The following ANP32A variants were observed in gnomAD, a reference collection of about 807,000 sequenced individuals.
The protein encoded by ANP32A is acidic leucine-rich nuclear phosphoprotein 32 family member A.
A neutral mutation model predicts 33.9 loss-of-function variants in ANP32A; 1 was observed. That is an observed-to-expected ratio of 0.03 (90% CI 0.01 to 0.14). ANP32A has a LOEUF of 0.14. ANP32A is among the 10% of genes least tolerant of loss of function. The probability of loss-of-function intolerance (pLI) is 1.00; values close to 1 mark genes in which losing one functional copy is unlikely to be tolerated. For missense variants in ANP32A, 155 were observed against 306.0 expected, an observed-to-expected ratio of 0.51 and a Z score of 3.68; for synonymous variants, 115 against 120.5, an observed-to-expected ratio of 0.95 and a Z score of 0.30.
chr15:68,792,689 C>T (rs1455978675), intron 1 of ANP32A, among the ~76,000 whole-genome samples: 1 of 152,164 alleles, frequency 6.6e-6, no homozygotes, highest in Non-Finnish European at 1.5e-5. Flanking sequence ...CCTGCTTTTG[C>T]CTCCACACCA....
In ANP32A at chr15:68,779,706, C is replaced by A. The variant is rs1402725464; in HGVS notation, c.*375G>T. 1 of 188,272 alleles carries A rather than the reference C, an allele frequency of 5.3e-6. No individual in the cohort carries two copies. Among genetic ancestry groups the A allele is most frequent in the African/African-American group, 2.4e-5 (1 of 42,446 alleles). 11.7% of individuals were successfully genotyped at this position (188,272 alleles called of 1,614,324 possible). A position where few individuals can be genotyped will look rare whatever the true frequency, so the allele number is the denominator to read the frequency against. ...TAACCAAACTGAGACCAGCCACAGC[C>A]TTCCAACCAACCCAAGAGACTTGGG... is the stretch of plus-strand genomic sequence containing the variant. On this transcript the variant is annotated 3_prime_UTR_variant, in exon 7 of 7. Transcript: ENST00000465139.
chr15:68,782,860 C>A, intron 5 of ANP32A, 96 bp downstream of exon 5: 1 of 1,510,710 alleles, frequency 6.6e-7, no homozygotes, highest in Non-Finnish European at 8.9e-7. Context: ...ACTTTCCTAA[C>A]CAGGGCTCCG....
chr15:68,787,468 G>C lies in ANP32A; in HGVS notation c.272C>G (p.Thr91Arg). 6.2e-7 allele frequency: 1 copy of C among 1,614,176 alleles called. No individual in the cohort carries two copies. The highest frequency in any genetic ancestry group is 8.5e-7 in the Non-Finnish European group (1 of 1,180,032). The change falls in exon 3 of 7, where the codon ACG becomes AGG. Residue 91 changes from threonine (T) to arginine (R), a missense_variant. Around this residue, in one of 4 missense-constraint regions of ANP32A, gnomAD observed 85 missense variants for 183.8 expected, o/e 0.46. Transcript: ENST00000465139. ...EVLAEKCPNL[T>R]HLNLSGNKIK... is the part of the protein sequence containing the mutation. Reference sequence around the variant, plus strand: ...TTTGTTGCCACTTAAATTTAGATGCGTGAGGTTCGGACACTTTTCTGCCAA... The same window carrying C: ...TTTGTTGCCACTTAAATTTAGATGCCTGAGGTTCGGACACTTTTCTGCCAA...
rs745414575 is a variant in ANP32A at position 68,801,219 on chromosome 15, G to GA, written c.55-13301dup. Among the ~76,000 whole-genome samples, 274 of 111,144 alleles carry GA rather than the reference G, an allele frequency of 2.5e-3. 1 individual carries two copies. Among genetic ancestry groups the GA allele is most frequent in the East Asian group, 0.012 (40 of 3,352 alleles). 72.9% of individuals were successfully genotyped at this position (111,144 alleles called of 152,430 possible). ...CTCTGCCTTAAAGGAAGAAGAAGAA[G>GA]AAAAAAAAAAAAAAAAGCAAAGGAA... On this transcript the variant is annotated intron_variant, in intron 1 of 6. Transcript: ENST00000465139.
At chr15:68,794,631 G>A (rs2140364093) in intron 1 of ANP32A, among the ~76,000 whole-genome samples, 1 of 152,330 alleles carries the variant, frequency 6.6e-6, no homozygotes. Context: ...AACTGTCTGA[G>A]ACACCAAGGT....
At chr15:68,806,986 A>G (rs1433795494) in intron 1 of ANP32A, among the ~76,000 whole-genome samples, 2 of 152,234 alleles carry the variant, frequency 1.3e-5, no homozygotes, top group African/African-American at 2.4e-5. Context: ...TACACCGTCA[A>G]TGCTGCCCTC....
intron 3 of ANP32A, chr15:68,787,183 C>T (rs566672809): frequency 1.5e-4 from 83 of 557,986 alleles, no homozygotes; most frequent in South Asian, 1.0e-3. Flanking sequence ...CTACGCTACC[C>T]GTACAATAGC....
intron 1 of ANP32A, among the ~76,000 whole-genome samples, chr15:68,815,538 C>G (rs1479757980): frequency 6.6e-6 from 1 of 152,124 alleles, no homozygotes; most frequent in East Asian, 1.9e-4. Context: ...TTTATATGTA[C>G]AAATAATTCT....
In ANP32A at chr15:68,779,953, T is replaced by C; in HGVS notation, c.*128A>G. The C allele has an allele frequency of 3.2e-6, 2 of 619,984 alleles. No homozygotes were observed. Among genetic ancestry groups the C allele is most frequent in the Non-Finnish European group, 5.2e-6 (2 of 387,720 alleles). 38.4% of individuals were successfully genotyped at this position (619,984 alleles called of 1,614,324 possible). ...CCCCCAGTACACTCTTCCCCTCTCG[T>C]TCCCACAGCAACGTTACAATCAGAA... is the stretch of plus-strand genomic sequence containing the variant. On this transcript the variant is annotated 3_prime_UTR_variant, in exon 7 of 7. Transcript: ENST00000465139.
intron 1 of ANP32A, among the ~76,000 whole-genome samples, chr15:68,809,652 C>T (rs770894506): frequency 1.4e-4 from 21 of 152,098 alleles, no homozygotes; most frequent in Admixed American, 2.6e-4. Context: ...GCATCACCCA[C>T]CCAGAGCAAC....
At chr15:68,815,559 CTG>C (rs1193681693) in intron 1 of ANP32A, among the ~76,000 whole-genome samples, 2 of 152,198 alleles carry the variant, frequency 1.3e-5, no homozygotes, top group Non-Finnish European at 2.9e-5. Flanking sequence ...TAGCTCATGA[CTG>C]TACAAAAATT....
chr15:68,820,192 G>C (rs769539081), intron 1 of ANP32A, among the ~76,000 whole-genome samples: 40 of 152,294 alleles, frequency 2.6e-4, no homozygotes, highest in Non-Finnish European at 4.3e-4. Context: ...GTGCGAGCGA[G>C]CGAGCGAGAG....
chr15:68,820,637 C>CAG lies in ANP32A; in HGVS notation c.54+60_54+61insCT, dbSNP rs1287255346. The CAG allele has an allele frequency of 1.2e-5, 16 of 1,376,082 alleles. No homozygotes were observed. In the East Asian group the frequency reaches 4.3e-4, roughly 37 times the overall value. The allele number at this position is 1,376,082 out of a possible 1,614,324, so 85.2% of individuals were successfully genotyped here. A position where few individuals can be genotyped will look rare whatever the true frequency, so the allele number is the denominator to read the frequency against. On this transcript the variant is annotated intron_variant, in intron 1 of 6. Transcript: ENST00000465139. ...AAAGTGCCTCCCCCCAGCGCGCACA[C>CAG]ACACACACACACACAAAGTAGGAGA...
chr15:68,820,632 G>GCGCA (rs1555424788), intron 1 of ANP32A, 66 bp downstream of exon 1: 14 of 944,418 alleles, frequency 1.5e-5, no homozygotes, highest in Admixed American at 1.1e-4. Flanking sequence ...CCCCCAGCGC[G>GCGCA]CACACACACA....
intron 3 of ANP32A, 141 bp downstream of exon 3, chr15:68,787,272 A>G (rs1893944449): frequency 8.1e-7 from 1 of 1,234,988 alleles, no homozygotes; most frequent in African/African-American, 1.5e-5. Flanking sequence ...AGCAGAAACA[A>G]TAGCTCAATT....
At chr15:68,816,577 C>T (rs993954762) in intron 1 of ANP32A, among the ~76,000 whole-genome samples, 1 of 152,044 alleles carries the variant, frequency 6.6e-6, no homozygotes, top group East Asian at 1.9e-4. Context: ...GATATGTCTC[C>T]GAGACTAAAA....
At chr15:68,795,496 G>C (rs1039530874) in intron 1 of ANP32A, among the ~76,000 whole-genome samples, 1 of 152,216 alleles carries the variant, frequency 6.6e-6, no homozygotes, top group Admixed American at 6.5e-5. Flanking sequence ...CCGCCGGCGC[G>C]GGGAGGGCCC....
intron 1 of ANP32A, chr15:68,790,128 T>A (rs1893981332): frequency 1.3e-5 from 2 of 152,272 alleles, no homozygotes; most frequent in African/African-American, 4.8e-5. Flanking sequence ...ACAGTCTTCT[T>A]TAGTAATTGG....
intron 3 of ANP32A, 53 bp downstream of exon 3, chr15:68,787,360 C>T: frequency 6.2e-7 from 1 of 1,612,276 alleles, no homozygotes; most frequent in East Asian, 2.2e-5. Context: ...TTGCTGATGC[C>T]AATTCCTCCC....
Sources: allele counts gnomAD v4.1 joint callset (sites outside exome capture counted in the v4.1 genomes callset), GRCh38; gene constraint gnomAD v4.1.1; regional missense constraint gnomAD v4.1.1; transcripts MANE v1.5; gene names NCBI Gene and HGNC (gene_info 2026-07-23, HGNC 2026-07-21).